CCDC6: variants seen among roughly 807,000 people sequenced by gnomAD.
CCDC6 encodes the protein coiled-coil domain-containing protein 6.
Under a neutral mutation model 56.6 loss-of-function variants are expected in CCDC6, and 20 were observed. The ratio of observed to expected loss-of-function variants is 0.35; its 90% CI spans 0.25 to 0.51. The LOEUF is 0.51. Ranked by LOEUF, CCDC6 falls within the 20% of genes least tolerant of loss-of-function variation. The pLI is 0.95. For missense variants in CCDC6, 367 were observed against 601.1 expected, an observed-to-expected ratio of 0.61 and a Z score of 4.07; for synonymous variants, 241 against 234.4, an observed-to-expected ratio of 1.03 and a Z score of -0.26.
intron 1 of CCDC6, among the ~76,000 whole-genome samples, chr10:59,883,773 T>G (rs570839461): frequency 6.6e-6 from 1 of 152,342 alleles, no homozygotes; most frequent in East Asian, 1.9e-4. Context: ...AACAGAGGGC[T>G]AAGATCCCTA....
At chr10:59,840,793 T>A (rs1185746110) in intron 2 of CCDC6, among the ~76,000 whole-genome samples, 3 of 152,162 alleles carry the variant, frequency 2.0e-5, no homozygotes, top group Non-Finnish European at 4.4e-5. Flanking sequence ...TTCTAATCCA[T>A]CCACAAATCC....
intron 1 of CCDC6, among the ~76,000 whole-genome samples, chr10:59,858,420 G>A (rs547472220): frequency 6.6e-6 from 1 of 152,240 alleles, no homozygotes; most frequent in South Asian, 2.1e-4. Context: ...ATTAGCCCTG[G>A]CAAATGCACT....
chr10:59,849,648 G>A (rs1006585530), intron 2 of CCDC6, among the ~76,000 whole-genome samples: 1 of 152,170 alleles, frequency 6.6e-6, no homozygotes, highest in Non-Finnish European at 1.5e-5. Flanking sequence ...TAGCCTCTCA[G>A]TGGCCTTTGG....
chr10:59,892,211 T>G (rs566302364), intron 1 of CCDC6, among the ~76,000 whole-genome samples: 38 of 152,360 alleles, frequency 2.5e-4, no homozygotes, highest in Middle Eastern at 3.4e-3. Flanking sequence ...AGGCCAGTTT[T>G]GACAGTCTTC....
chr10:59,806,684 T>C (rs2070626612), intron 6 of CCDC6: 2 of 447,926 alleles, frequency 4.5e-6, no homozygotes, highest in East Asian at 7.0e-5. Flanking sequence ...CTGTCTCCAT[T>C]TCTCTCCCCA....
At chr10:59,803,816 C>T (rs2070596496) in intron 7 of CCDC6, among the ~76,000 whole-genome samples, 1 of 152,228 alleles carries the variant, frequency 6.6e-6, no homozygotes, top group African/African-American at 2.4e-5. Flanking sequence ...TCTTCTGCAG[C>T]CTGCCTGCTA....
At chr10:59,843,210 A>G (rs2070958039) in intron 2 of CCDC6, among the ~76,000 whole-genome samples, 2 of 152,196 alleles carry the variant, frequency 1.3e-5, no homozygotes, top group African/African-American at 4.8e-5. Flanking sequence ...TTTATCCTTG[A>G]ATGTTTGGTA....
chr10:59,846,865 G>T (rs2070996376), intron 2 of CCDC6, among the ~76,000 whole-genome samples: 1 of 152,152 alleles, frequency 6.6e-6, no homozygotes, highest in Non-Finnish European at 1.5e-5. Flanking sequence ...GAAAAGTGTA[G>T]ACAATCCAGA....
Position 59,859,199 on chromosome 10 carries a change from C to CGTGT in CCDC6, c.304-6501_304-6498dup, listed in dbSNP as rs66648240. Among the ~76,000 whole-genome samples the CGTGT allele has an allele frequency of 5.2e-3, 718 of 137,244 alleles. 2 individuals carry two copies. Among genetic ancestry groups the CGTGT allele is most frequent in the Admixed American group, 0.01 (144 of 13,814 alleles). The allele number at this position is 137,244 out of a possible 152,430, so 90.0% of individuals were successfully genotyped here. A position where few individuals can be genotyped will look rare whatever the true frequency, so the allele number is the denominator to read the frequency against. On this transcript the variant is annotated intron_variant, in intron 1 of 8. Coordinates refer to ENST00000263102, the MANE Select transcript of CCDC6 (RefSeq NM_005436.5). The stretch of plus-strand genomic sequence containing the variant: ...CTGGAAAAAAAAATACATGTGTGTG[C>CGTGT]GTGTGTGTGTGTGTGTGTGTGTGTG...
At chr10:59,853,047 C>T (rs1372784526) in intron 1 of CCDC6, among the ~76,000 whole-genome samples, 3 of 137,274 alleles carry the variant, frequency 2.2e-5, no homozygotes, top group Admixed American at 7.1e-5. Flanking sequence ...ATGTAGCAGA[C>T]GGGTCCAGTC....
intron 1 of CCDC6, among the ~76,000 whole-genome samples, chr10:59,885,923 C>A (rs867636200): frequency 1.4e-4 from 2 of 14,538 alleles, no homozygotes; most frequent in Admixed American, 1.6e-3. Context: ...CCGCCCCCCG[C>A]CCCCCCAACT....
At chr10:59,826,021 C>T (rs1256560847) in intron 3 of CCDC6, among the ~76,000 whole-genome samples, 1 of 152,150 alleles carries the variant, frequency 6.6e-6, no homozygotes, top group Admixed American at 6.5e-5. Flanking sequence ...CCCCTGGAAG[C>T]TGGGGTCCCA....
chr10:59,883,661 T>C (rs1206459165), intron 1 of CCDC6, among the ~76,000 whole-genome samples: 1 of 152,242 alleles, frequency 6.6e-6, no homozygotes, highest in African/African-American at 2.4e-5. Context: ...TAAAAGTTTA[T>C]ATTCTTTTTG....
At chr10:59,902,358 T>A (rs1180659) in intron 1 of CCDC6, among the ~76,000 whole-genome samples, 141,594 of 149,986 alleles carry the variant, frequency 0.94, 67,334 homozygotes, top group Middle Eastern at 1. Context: ...GAACACTGAC[T>A]ACAGCAAATG....
intron 2 of CCDC6, among the ~76,000 whole-genome samples, chr10:59,846,471 T>TC (rs1296918125): frequency 6.6e-6 from 1 of 152,156 alleles, no homozygotes; most frequent in African/African-American, 2.4e-5. Context: ...CTAGGAAAAC[T>TC]CCAACTATTT....
chr10:59,847,122 G>A (rs140854891), intron 2 of CCDC6, among the ~76,000 whole-genome samples: 28 of 151,834 alleles, frequency 1.8e-4, no homozygotes, highest in African/African-American at 5.6e-4. Flanking sequence ...GCGCTATCTC[G>A]GCTCACCACA....
At chr10:59,888,420 G>A (rs2071398408) in intron 1 of CCDC6, among the ~76,000 whole-genome samples, 1 of 152,242 alleles carries the variant, frequency 6.6e-6, no homozygotes, top group African/African-American at 2.4e-5. Context: ...TGGGGGCTGG[G>A]AAGCCAGTCT....
At chr10:59,888,359 G>T (rs755277296) in intron 1 of CCDC6, among the ~76,000 whole-genome samples, 81 of 152,226 alleles carry the variant, frequency 5.3e-4, no homozygotes, top group Admixed American at 1.3e-3. Flanking sequence ...CATAAGCCAG[G>T]TCTGCTTCAC....
intron 1 of CCDC6, among the ~76,000 whole-genome samples, chr10:59,902,456 C>T (rs966597418): frequency 7.9e-5 from 11 of 139,968 alleles, no homozygotes; most frequent in East Asian, 2.1e-4. Flanking sequence ...TGCAGTGGTG[C>T]GACATTGGCT....
Sources: allele counts gnomAD v4.1 joint callset (sites outside exome capture counted in the v4.1 genomes callset), GRCh38; gene constraint gnomAD v4.1.1; transcripts MANE v1.5; gene names NCBI Gene and HGNC (gene_info 2026-07-23, HGNC 2026-07-21).